DTWD2: variants seen among roughly 807,000 people sequenced by gnomAD.
The protein encoded by DTWD2 is DTW motif tRNA-uridine aminocarboxypropyltransferase 2.
In DTWD2, 39 loss-of-function variants were observed where a neutral mutation model predicts 31.8. The observed-to-expected ratio is 1.22, with a 90% CI of 0.95 to 1.60. DTWD2 has a LOEUF of 1.60. DTWD2 is among the 40% of genes most tolerant of loss of function. The probability of loss-of-function intolerance (pLI) is 0.00; values close to 1 mark genes in which losing one functional copy is unlikely to be tolerated. For synonymous variants in DTWD2, 180 were observed against 142.8 expected, an observed-to-expected ratio of 1.26 and a Z score of -1.86; for missense variants, 515 against 381.5, an observed-to-expected ratio of 1.35 and a Z score of -2.92.
At chr5:118,883,360 CTT>C (rs1398527119) in intron 4 of DTWD2, among the ~76,000 whole-genome samples, 1 of 152,010 alleles carries the variant, frequency 6.6e-6, no homozygotes, top group East Asian at 1.9e-4. Context: ...ATCTTCCTGT[CTT>C]TTTCTGAGCC....
Position 118,977,418 on chromosome 5 carries a change from G to C in DTWD2, c.218+10876C>G, listed in dbSNP as rs571306356. Among the ~76,000 whole-genome samples, 8 of 152,290 alleles carry C rather than the reference G, an allele frequency of 5.3e-5. No homozygotes were observed. The South Asian group carries it at 1.5e-3, about 28-fold the overall frequency. ...AATTGTATCTGTTTGCAGATGACAT[G>C]ATTGTATATTTAGAAAACCCCACTG... On this transcript the variant is annotated intron_variant, in intron 1 of 5. Coordinates refer to ENST00000510708, the MANE Select transcript of DTWD2 (RefSeq NM_173666.4).
rs147000679 is a variant in DTWD2, at chr5:118,888,686, G to A, written c.597+39851C>T. 9.2e-5 allele frequency among the ~76,000 whole-genome samples: 14 copies of A among 152,260 alleles called. No homozygotes were observed. The East Asian group carries it at 2.5e-3, about 27-fold the overall frequency. On this transcript the variant is annotated intron_variant, in intron 4 of 5. Coordinates refer to ENST00000510708, the MANE Select transcript of DTWD2 (RefSeq NM_173666.4). ...ACTTTTCAAGAAACTGCCAAAATAC[G>A]TTTCAGAGTGATACTATCATTTTAC...
chr5:118,856,631 C>T (rs948708954), intron 4 of DTWD2, among the ~76,000 whole-genome samples: 6 of 152,062 alleles, frequency 3.9e-5, no homozygotes, highest in Admixed American at 1.3e-4. Context: ...TCCGTCTGTT[C>T]CATGTCATCT....
At chr5:118,974,611 T>A (rs746651511) in intron 1 of DTWD2, 2 of 505,970 alleles carry the variant, frequency 4.0e-6, no homozygotes, top group East Asian at 1.1e-4. Context: ...TTCCAGTAAC[T>A]TTTTTGTGTA....
At chr5:118,929,634 T>C (rs886404730) in intron 3 of DTWD2, among the ~76,000 whole-genome samples, 1 of 152,214 alleles carries the variant, frequency 6.6e-6, no homozygotes, top group Non-Finnish European at 1.5e-5. Context: ...GGCTGAAGTT[T>C]TTCTTATAAC....
chr5:118,868,387 G>A (rs546862941), intron 4 of DTWD2, among the ~76,000 whole-genome samples: 81 of 151,838 alleles, frequency 5.3e-4, no homozygotes, highest in African/African-American at 1.8e-3. Flanking sequence ...CAAACGTACC[G>A]GCAACAACAA....
chr5:118,944,700 T>C (rs191289705), intron 1 of DTWD2, 51 bp from the exon 2 acceptor site: 28,454 of 1,563,786 alleles, frequency 0.018, 301 homozygotes, highest in Non-Finnish European at 0.021. Context: ...AATACAATGA[T>C]ATAACAATTT....
chr5:118,915,143 G>T (rs1753545341), intron 4 of DTWD2, among the ~76,000 whole-genome samples: 1 of 152,008 alleles, frequency 6.6e-6, no homozygotes, highest in Non-Finnish European at 1.5e-5. Context: ...CTTGAACCTA[G>T]GAGGCAGGGG....
At position 118,837,619 on chromosome 5, in the gene DTWD2, T is replaced by C. The variant is rs1429097747; in HGVS notation, c.*3298A>G. ...AGTTGGAAATATGTGATGAAGAAAC[T>C]GAGTAAATTATACAGAAGTGCTCTT... is the stretch of plus-strand genomic sequence containing the variant. On this transcript the variant is annotated 3_prime_UTR_variant, in exon 6 of 6. Transcript: ENST00000510708. 2 of 152,164 alleles carry C rather than the reference T, an allele frequency of 1.3e-5. No individual in the cohort carries two copies. The allele number at this position is 152,164 out of a possible 1,614,324, so 9.4% of individuals were successfully genotyped here. A position where few individuals can be genotyped will look rare whatever the true frequency, so the allele number is the denominator to read the frequency against.
intron 1 of DTWD2, among the ~76,000 whole-genome samples, chr5:118,977,722 C>T (rs575578361): frequency 2.1e-4 from 32 of 152,214 alleles, no homozygotes; most frequent in African/African-American, 6.7e-4. Flanking sequence ...TCCATGCTCA[C>T]GGACAGGAAG....
chr5:118,879,609 C>CAAA (rs775009585), intron 4 of DTWD2, among the ~76,000 whole-genome samples: 24 of 36,082 alleles, frequency 6.7e-4, no homozygotes, highest in South Asian at 8.2e-4. Context: ...GACTACAGCT[C>CAAA]AAAAAAAAAA....
At chr5:118,887,252 T>C (rs558037078) in intron 4 of DTWD2, among the ~76,000 whole-genome samples, 1 of 152,322 alleles carries the variant, frequency 6.6e-6, no homozygotes, top group South Asian at 2.1e-4. Context: ...TGTGCAAGAA[T>C]ATCAGATACA....
At chr5:118,938,642 A>T (rs1419027571) in intron 3 of DTWD2, among the ~76,000 whole-genome samples, 1 of 152,098 alleles carries the variant, frequency 6.6e-6, no homozygotes, top group Admixed American at 6.6e-5. Flanking sequence ...TGAGCCCAGG[A>T]GGTGGAGGCT....
At chr5:118,949,037 G>C (rs1384245611) in intron 1 of DTWD2, among the ~76,000 whole-genome samples, 2 of 152,184 alleles carry the variant, frequency 1.3e-5, no homozygotes, top group African/African-American at 4.8e-5. Flanking sequence ...TGCCGAGATA[G>C]GTAACAGATG....
At chr5:118,910,549 C>A (rs1356198867) in intron 4 of DTWD2, among the ~76,000 whole-genome samples, 1 of 152,216 alleles carries the variant, frequency 6.6e-6, no homozygotes, top group African/African-American at 2.4e-5. Flanking sequence ...TGAGGCCTCA[C>A]CACAATTGCC....
In DTWD2 at chr5:118,928,582, A is replaced by G. The variant is rs1561459019; in HGVS notation, c.552T>C (p.Ala184=). The change falls in exon 4 of 6, where the codon GCT becomes GCC. Residue 184 remains alanine, a synonymous_variant. Coordinates refer to ENST00000510708, the MANE Select transcript of DTWD2 (RefSeq NM_173666.4). ...IIIIDGTWSQ[A]KDIFYKNSLF... ...AGGAGTTCTTATAGAAAATGTCCTTAGCCTGGCTCCATGTACCATCAATGA... is the reference window on the plus strand; with the variant it reads ...AGGAGTTCTTATAGAAAATGTCCTTGGCCTGGCTCCATGTACCATCAATGA... 1.3e-6 allele frequency: 2 copies of G among 1,555,870 alleles called. No homozygotes were observed. Among genetic ancestry groups the G allele is most frequent in the Non-Finnish European group, 1.7e-6 (2 of 1,152,232 alleles).
At chr5:118,906,379 C>T (rs1246628300) in intron 4 of DTWD2, among the ~76,000 whole-genome samples, 3 of 152,152 alleles carry the variant, frequency 2.0e-5, no homozygotes, top group Non-Finnish European at 4.4e-5. Flanking sequence ...CATGCGTCCA[C>T]ACAAATACTT....
intron 4 of DTWD2, among the ~76,000 whole-genome samples, chr5:118,912,918 C>G (rs1424832214): frequency 6.6e-6 from 1 of 152,142 alleles, no homozygotes; most frequent in Non-Finnish European, 1.5e-5. Context: ...TAAACACAAA[C>G]TAAACATACC....
At chr5:118,842,953 C>T (rs574429196) in intron 5 of DTWD2, among the ~76,000 whole-genome samples, 120 of 108,802 alleles carry the variant, frequency 1.1e-3, no homozygotes, top group African/African-American at 3.4e-3. Context: ...TCTTCTTCCT[C>T]TTTTTTTTTT....
Sources: allele counts gnomAD v4.1 joint callset (sites outside exome capture counted in the v4.1 genomes callset), GRCh38; gene constraint gnomAD v4.1.1; transcripts MANE v1.5; gene names NCBI Gene and HGNC (gene_info 2026-07-23, HGNC 2026-07-21).